Variants in CTRC observed in about 807,000 individuals in gnomAD.
The protein encoded by CTRC is chymotrypsin C.
In CTRC, 32 loss-of-function variants were observed where a neutral mutation model predicts 35.7. That is an observed-to-expected ratio of 0.90 (90% CI 0.68 to 1.20). The LOEUF (loss-of-function observed/expected upper bound fraction) is 1.20. Among genes scored for constraint, CTRC ranks in the 50% most tolerant of loss-of-function variants. The pLI, the probability that CTRC is intolerant of heterozygous loss-of-function variation, is 0.00. For missense variants in CTRC, 324 were observed against 361.5 expected (o/e 0.90, Z 0.84); for synonymous variants, 119 against 149.5 (o/e 0.80, Z 1.49).
chr1:15,438,479 T>C lies in CTRC; in HGVS notation c.15T>C (p.Thr5=), dbSNP rs1060504817. 13 of 1,614,038 alleles carry C rather than the reference T, an allele frequency of 8.1e-6. No individual in the cohort carries two copies. Among genetic ancestry groups the C allele is most frequent in the South Asian group, 1.1e-5 (1 of 91,088 alleles). ...AGCACCTAACCATGTTGGGCATCAC[T>C]GTCCTCGCTGCGCTCTTGGCCTGTG... MLGI[T]VLAALLACAS... The change falls in exon 1 of 8, where the codon ACT becomes ACC. Residue 5 remains threonine (T), a synonymous_variant. Transcript: ENST00000375949.
intron 3 of CTRC, 143 bp from the exon 4 acceptor site, chr1:15,442,304 C>G: frequency 2.8e-6 from 3 of 1,073,070 alleles, no homozygotes; most frequent in Non-Finnish European, 4.1e-6. Context: ...AAGTCCCAGG[C>G]CCTTCCCCTC....
chr1:15,443,267 C>G (rs936590836), intron 4 of CTRC, 152 bp from the exon 5 acceptor site: 1 of 864,894 alleles, frequency 1.2e-6, no homozygotes, highest in Non-Finnish European at 1.9e-6. Context: ...CTGATATTCC[C>G]AAAGGCCAAG....
intron 1 of CTRC, 128 bp downstream of exon 1, chr1:15,438,632 C>T (rs990911316): frequency 5.1e-6 from 5 of 972,694 alleles, no homozygotes; most frequent in Non-Finnish European, 8.1e-6. Flanking sequence ...CCTGTGGGTT[C>T]AGATGCTACC....
At chr1:15,439,423 CA>C (rs35524971) in intron 1 of CTRC, among the ~76,000 whole-genome samples, 49,628 of 110,730 alleles carry the variant, frequency 0.45, 8,549 homozygotes, top group Middle Eastern at 0.58. Flanking sequence ...AACTCCGTCT[CA>C]AAAAAAAAAA....
At chr1:15,441,139 C>T (rs1213520278) in intron 3 of CTRC, among the ~76,000 whole-genome samples, 3 of 152,060 alleles carry the variant, frequency 2.0e-5, no homozygotes, top group African/African-American at 4.8e-5. Flanking sequence ...GAGATGGCGC[C>T]ACTGCACTCT....
chr1:15,441,974 T>G (rs1275225214), intron 3 of CTRC, among the ~76,000 whole-genome samples: 1 of 152,166 alleles, frequency 6.6e-6, no homozygotes, highest in Admixed American at 6.6e-5. Flanking sequence ...ACTCCTGGCC[T>G]CAAGCAATCC....
At position 15,444,764 on chromosome 1, in the gene CTRC, G is replaced by A. The variant is rs772940673; in HGVS notation, c.639+13G>A. On this transcript the variant is annotated intron_variant, in intron 6 of 7. Transcript: ENST00000375949. ...CTCAGCCTGCAATGTGAGTGGCTAG[G>A]TTCTGCACCTTGTCCCTACTCCAAG... 8.7e-6 allele frequency: 14 copies of A among 1,614,054 alleles called. No individual in the cohort carries two copies. The East Asian group carries it at 2.7e-4, about 31-fold the overall frequency.
At chr1:15,443,308 G>A in intron 4 of CTRC, 111 bp from the exon 5 acceptor site, 1 of 1,259,688 alleles carries the variant, frequency 7.9e-7, no homozygotes, top group Non-Finnish European at 1.2e-6. Flanking sequence ...GTTTGTGAAG[G>A]ACCCCTGAGC....
chr1:15,445,563 G>A (rs1461277736), intron 6 of CTRC, 34 bp from the exon 7 acceptor site: 17 of 1,608,228 alleles, frequency 1.1e-5, no homozygotes, highest in African/African-American at 1.3e-5. Flanking sequence ...CTGGGGGGGG[G>A]CCTGGTGGCT....
Position 15,440,977 on chromosome 1 carries a change from C to T in CTRC, c.230+387C>T, listed in dbSNP as rs142960252. On this transcript the variant is annotated intron_variant, in intron 3 of 7. Coordinates refer to ENST00000375949, the MANE Select transcript of CTRC (RefSeq NM_007272.3). ...GGCGGATCACCTGAGGTCAGGAGTT[C>T]GAGACCAGCCTGGTCAACATAGTGA... Among the ~76,000 whole-genome samples the T allele has an allele frequency of 7.5e-3, 1,142 of 152,184 alleles. 20 individuals are homozygous for T. The highest frequency in any genetic ancestry group is 0.025 in the African/African-American group (1,054 of 41,534).
intron 1 of CTRC, among the ~76,000 whole-genome samples, 171 bp from the exon 2 acceptor site, chr1:15,440,129 G>A (rs1224159369): frequency 6.6e-6 from 1 of 152,160 alleles, no homozygotes; most frequent in Non-Finnish European, 1.5e-5. Context: ...CACAGAAAGG[G>A]AAAACAAGGC....
At chr1:15,445,901 TTTATTCAC>T in intron 7 of CTRC, 152 bp downstream of exon 7, 1 of 914,694 alleles carries the variant, frequency 1.1e-6, no homozygotes, top group Admixed American at 2.0e-5. Flanking sequence ...CATTCATTCA[TTTATTCAC>T]TTATTCAGTC....
At chr1:15,441,074 G>T (rs1424206231) in intron 3 of CTRC, among the ~76,000 whole-genome samples, 1 of 152,118 alleles carries the variant, frequency 6.6e-6, no homozygotes, top group African/African-American at 2.4e-5. Context: ...CAGCTACTCG[G>T]GAGGCTGAGG....
chr1:15,444,392 ACT>A (rs1292443858), intron 5 of CTRC, among the ~76,000 whole-genome samples: 2 of 152,130 alleles, frequency 1.3e-5, no homozygotes, highest in Non-Finnish European at 2.9e-5. Context: ...AGACAACTCA[ACT>A]CAACACTGTA....
Position 15,446,677 on chromosome 1 carries a change from C to T in CTRC, c.*88C>T. On this transcript the variant is annotated 3_prime_UTR_variant, in exon 8 of 8. Coordinates refer to ENST00000375949, the MANE Select transcript of CTRC (RefSeq NM_007272.3). ...CCACCTGGATCCTTGATTTGTGCAGCTTCTGTTGCTTCCCTCCTCTCTGGT... is the reference window on the plus strand; with the variant it reads ...CCACCTGGATCCTTGATTTGTGCAGTTTCTGTTGCTTCCCTCCTCTCTGGT... 2 of 1,444,630 alleles carry T rather than the reference C, an allele frequency of 1.4e-6. No homozygotes were observed. The highest frequency in any genetic ancestry group is 3.5e-4 in the Middle Eastern group (2 of 5,748). 89.5% of individuals were successfully genotyped at this position (1,444,630 alleles called of 1,614,324 possible). A position where few individuals can be genotyped will look rare whatever the true frequency, so the allele number is the denominator to read the frequency against.
chr1:15,439,212 G>A (rs1708085820), intron 1 of CTRC, among the ~76,000 whole-genome samples: 1 of 152,046 alleles, frequency 6.6e-6, no homozygotes, highest in Admixed American at 6.6e-5. Context: ...GATCACTTGA[G>A]ATCAGGAGTT....
In CTRC at chr1:15,440,308, T is replaced by A; in HGVS notation, c.49T>A (p.Cys17Ser). The A allele has an allele frequency of 7.3e-7, 1 of 1,369,030 alleles. No homozygotes were observed. 84.8% of individuals were successfully genotyped at this position (1,369,030 alleles called of 1,614,324 possible). ...LAALLACASS[C>S]GVPSFPPNLS... The stretch of plus-strand genomic sequence containing the variant: ...GCCTCCTGTCTCCCCAGCCTCCAGC[T>A]GTGGGGTGCCCAGCTTCCCGCCCAA... The change falls in exon 2 of 8, where the codon TGT (cysteine) becomes AGT (serine). Residue 17 changes from cysteine to serine, a missense_variant. Transcript: ENST00000375949.
rs1557512111 is a variant in CTRC at position 15,448,293 on chromosome 1, CT to C, written c.*1705del. On this transcript the variant is annotated 3_prime_UTR_variant, in exon 8 of 8. Transcript: ENST00000375949. ...GTTCAAGTGATTCTTCTGCCTCAGC[CT>C]CCCAAGTAGCTGGGATTACAGGCAC... is the stretch of plus-strand genomic sequence containing the variant. 6.6e-6 allele frequency: 1 copy of C among 151,804 alleles called. No homozygotes were observed. Among genetic ancestry groups the C allele is most frequent in the African/African-American group, 2.4e-5 (1 of 41,238 alleles). 9.4% of individuals were successfully genotyped at this position (151,804 alleles called of 1,614,324 possible). A position where few individuals can be genotyped will look rare whatever the true frequency, so the allele number is the denominator to read the frequency against.
At chr1:15,443,690 T>C in intron 5 of CTRC, 135 bp downstream of exon 5, 2 of 1,067,802 alleles carry the variant, frequency 1.9e-6, no homozygotes, top group Admixed American at 3.7e-5. Flanking sequence ...ACAGCTAATA[T>C]TTACTAAGCA....
Sources: allele counts gnomAD v4.1 joint callset (sites outside exome capture counted in the v4.1 genomes callset), GRCh38; gene constraint gnomAD v4.1.1; transcripts MANE v1.5; gene names NCBI Gene and HGNC (gene_info 2026-07-23, HGNC 2026-07-21).